DLG1: variants seen among roughly 807,000 people sequenced by gnomAD.
The protein encoded by DLG1 is disks large homolog 1.
DLG1 carries 42 observed loss-of-function variants against 123.4 expected under a neutral mutation model. The ratio of observed to expected loss-of-function variants is 0.34; its 90% CI spans 0.27 to 0.44. The LOEUF is 0.44. Ranked by LOEUF, DLG1 falls within the 20% of genes least tolerant of loss-of-function variation. The probability of loss-of-function intolerance (pLI) is 1.00; values close to 1 mark genes in which losing one functional copy is unlikely to be tolerated. For missense variants in DLG1, 942 were observed against 1,082.6 expected, an observed-to-expected ratio of 0.87 and a Z score of 1.82; for synonymous variants, 317 against 356.2, an observed-to-expected ratio of 0.89 and a Z score of 1.24.
intron 4 of DLG1, among the ~76,000 whole-genome samples, chr3:197,273,994 T>G (rs1347238358): frequency 6.6e-6 from 1 of 152,084 alleles, no homozygotes; most frequent in Non-Finnish European, 1.5e-5. Context: ...GTTCATAGAT[T>G]GGAAAAACTA....
At chr3:197,215,447 C>CA (rs1322616167) in intron 4 of DLG1, among the ~76,000 whole-genome samples, 2 of 151,998 alleles carry the variant, frequency 1.3e-5, no homozygotes, top group African/African-American at 4.8e-5. Context: ...GAAGACAATA[C>CA]TACATAGGAG....
At chr3:197,106,762 C>T (rs558279691) in intron 13 of DLG1, among the ~76,000 whole-genome samples, 48 of 152,204 alleles carry the variant, frequency 3.2e-4, no homozygotes, top group African/African-American at 1.1e-3. Flanking sequence ...ATTGAAGATA[C>T]ATTATTAAGG....
rs758466083 is a variant in DLG1, at chr3:197,066,757, ATTAGAAAGTGAAGGCACAG to A, written c.2048-22_2048-4del. The A allele has an allele frequency of 6.3e-7, 1 of 1,593,554 alleles. No individual in the cohort carries two copies. Among genetic ancestry groups the A allele is most frequent in the Non-Finnish European group, 8.6e-7 (1 of 1,165,386 alleles). Reference sequence around the variant, plus strand: ...TAAGACGTATTCTTCTTGACCACCTATTAGAAAGTGAAGGCACAGATGAAAAATGTGTAAAGATAATTGA... The same window carrying A: ...TAAGACGTATTCTTCTTGACCACCTAATGAAAAATGTGTAAAGATAATTGA... On this transcript the variant is annotated splice_polypyrimidine_tract_variant and splice_region_variant and intron_variant, in intron 19 of 24. Transcript: ENST00000667157.
chr3:197,259,575 A>C (rs951653892), intron 4 of DLG1, among the ~76,000 whole-genome samples: 1 of 152,238 alleles, frequency 6.6e-6, no homozygotes, highest in Non-Finnish European at 1.5e-5. Flanking sequence ...AAATTATTCC[A>C]TATTTTAAAA....
intron 22 of DLG1, among the ~76,000 whole-genome samples, chr3:197,060,298 C>T (rs1734886213): frequency 6.6e-6 from 1 of 152,144 alleles, no homozygotes; most frequent in Admixed American, 6.5e-5. Context: ...CCCCGCCGTT[C>T]CCTTTTTTTA....
intron 23 of DLG1, among the ~76,000 whole-genome samples, chr3:197,058,132 C>A (rs1234878483): frequency 1.3e-5 from 2 of 152,050 alleles, no homozygotes; most frequent in African/African-American, 4.8e-5. Context: ...GCGCACACCA[C>A]CATGCCTGGC....
At chr3:197,113,359 A>C (rs1026112958) in intron 13 of DLG1, among the ~76,000 whole-genome samples, 3 of 152,218 alleles carry the variant, frequency 2.0e-5, no homozygotes, top group African/African-American at 7.2e-5. Flanking sequence ...AGAAGAGGGC[A>C]TTTAAATCTC....
intron 5 of DLG1, among the ~76,000 whole-genome samples, chr3:197,192,830 C>T (rs1286452898): frequency 6.6e-6 from 1 of 151,878 alleles, no homozygotes; most frequent in African/African-American, 2.4e-5. Flanking sequence ...TTGAAATTGA[C>T]ACTTTTGGCA....
chr3:197,091,379 A>G (rs1034420731), intron 14 of DLG1, among the ~76,000 whole-genome samples: 7 of 151,958 alleles, frequency 4.6e-5, no homozygotes, highest in African/African-American at 1.2e-4. Context: ...TCTAATTTTT[A>G]TATTAAGGAA....
intron 23 of DLG1, among the ~76,000 whole-genome samples, chr3:197,056,167 T>C (rs1731541526): frequency 6.6e-6 from 1 of 152,046 alleles, no homozygotes; most frequent in African/African-American, 2.4e-5. Flanking sequence ...AGATCCGAAA[T>C]AGTAACATCA....
chr3:197,272,252 T>C (rs1008935607), intron 4 of DLG1, among the ~76,000 whole-genome samples: 2 of 152,002 alleles, frequency 1.3e-5, no homozygotes, highest in Admixed American at 6.6e-5. Flanking sequence ...CTTGGGAGGC[T>C]GAGGCAGAGG....
chr3:197,260,791 A>C (rs1187898339), intron 4 of DLG1, among the ~76,000 whole-genome samples: 1 of 150,758 alleles, frequency 6.6e-6, no homozygotes, highest in Admixed American at 6.6e-5. Flanking sequence ...AAAATCACTA[A>C]AAATATGCAA....
chr3:197,256,695 T>C (rs1392411346), intron 4 of DLG1, among the ~76,000 whole-genome samples: 1 of 152,234 alleles, frequency 6.6e-6, no homozygotes, highest in Non-Finnish European at 1.5e-5. Context: ...AAATGTATCT[T>C]TACCTATAGT....
chr3:197,139,634 T>C (rs1786949837), intron 8 of DLG1, among the ~76,000 whole-genome samples: 1 of 152,148 alleles, frequency 6.6e-6, no homozygotes, highest in South Asian at 2.1e-4. Context: ...AATAAGAAAA[T>C]ATATTATTTA....
intron 24 of DLG1, among the ~76,000 whole-genome samples, chr3:197,050,383 A>C (rs78916261): frequency 2.6e-5 from 4 of 151,482 alleles, no homozygotes; most frequent in Admixed American, 6.6e-5. Flanking sequence ...AAACAACAAC[A>C]AAAAAAACCC....
At chr3:197,129,687 A>G (rs73084582) in intron 11 of DLG1, among the ~76,000 whole-genome samples, 2,431 of 152,264 alleles carry the variant, frequency 0.016, 67 homozygotes, top group African/African-American at 0.054. Flanking sequence ...ATAATGAGAA[A>G]TATGCAACTT....
chr3:197,149,667 T>C (rs1020429975), intron 6 of DLG1, 76 bp downstream of exon 6: 3 of 894,840 alleles, frequency 3.4e-6, no homozygotes, highest in Non-Finnish European at 5.7e-6. Flanking sequence ...AACAATGCCA[T>C]GGTCTTCGCA....
At chr3:197,084,485 T>C (rs1578808931) in intron 16 of DLG1, among the ~76,000 whole-genome samples, 1 of 152,058 alleles carries the variant, frequency 6.6e-6, no homozygotes, top group Middle Eastern at 3.4e-3. Flanking sequence ...CTAATGTTTG[T>C]ATTTTTAGTA....
At chr3:197,273,534 G>A (rs566178651) in intron 4 of DLG1, among the ~76,000 whole-genome samples, 24 of 152,014 alleles carry the variant, frequency 1.6e-4, no homozygotes, top group African/African-American at 3.1e-4. Context: ...CACCGCACCC[G>A]GCTGAATATA....
Sources: allele counts gnomAD v4.1 joint callset (sites outside exome capture counted in the v4.1 genomes callset), GRCh38; gene constraint gnomAD v4.1.1; transcripts MANE v1.5; gene names NCBI Gene and HGNC (gene_info 2026-07-23, HGNC 2026-07-21).